Variants in CIRSR observed in about 807,000 individuals in gnomAD.
CIRSR encodes the protein corepressor of RBPJ and splicing regulator.
chr2:174,375,744 TA>T, the CIRSR span, among the ~76,000 whole-genome samples: 1 of 152,262 alleles, frequency 6.6e-6, no homozygotes, highest in Non-Finnish European at 1.5e-5. Context: ...CTTTGGTTAT[TA>T]ATGTTGAAAA....
the CIRSR span, chr2:174,351,536 T>G: frequency 8.8e-7 from 1 of 1,137,596 alleles, no homozygotes; most frequent in Non-Finnish European, 1.3e-6. Flanking sequence ...TATATGCATA[T>G]TGGAAAACAT....
the CIRSR span, among the ~76,000 whole-genome samples, chr2:174,368,642 C>T: frequency 6.6e-6 from 1 of 152,164 alleles, no homozygotes; most frequent in Non-Finnish European, 1.5e-5. Context: ...TATGACTGTG[C>T]CATTGCATTT....
chr2:174,379,693 C>T, the CIRSR span, among the ~76,000 whole-genome samples: 18 of 149,046 alleles, frequency 1.2e-4, no homozygotes, highest in Admixed American at 1.2e-3. Context: ...TTATAGCTCT[C>T]ACTATAAAAG....
the CIRSR span, among the ~76,000 whole-genome samples, chr2:174,354,580 ATT>A: frequency 5.6e-5 from 1 of 17,936 alleles, no homozygotes; most frequent in Non-Finnish European, 1.5e-4. Flanking sequence ...TATATTATAT[ATT>A]ATATATATCA....
At chr2:174,381,832 T>A in the CIRSR span, 1 of 1,234,150 alleles carries the variant, frequency 8.1e-7, no homozygotes, top group Non-Finnish European at 1.1e-6. Flanking sequence ...AAAAAAATTA[T>A]AGAATAATCC....
the CIRSR span, among the ~76,000 whole-genome samples, chr2:174,371,507 C>T: frequency 6.6e-6 from 1 of 152,168 alleles, no homozygotes; most frequent in Admixed American, 6.5e-5. Flanking sequence ...AGCACTGAAG[C>T]TTACAAGTTT....
the CIRSR span, among the ~76,000 whole-genome samples, chr2:174,357,346 G>T: frequency 2.6e-5 from 4 of 152,186 alleles, no homozygotes; most frequent in South Asian, 8.3e-4. Context: ...GGCAAGTTTT[G>T]TAAAGTTTGG....
the CIRSR span, among the ~76,000 whole-genome samples, chr2:174,354,512 CATATAAT>C: frequency 2.6e-5 from 2 of 77,608 alleles, no homozygotes; most frequent in Admixed American, 2.2e-4. Context: ...TTATATATAT[CATATAAT>C]ATATTTTATA....
chr2:174,363,681 C>T, the CIRSR span, among the ~76,000 whole-genome samples: 1 of 152,158 alleles, frequency 6.6e-6, no homozygotes, highest in African/African-American at 2.4e-5. Flanking sequence ...AGGAGCAAGT[C>T]ATGTCTTACA....
chr2:174,393,598 A>C, the CIRSR span, among the ~76,000 whole-genome samples: 1 of 152,024 alleles, frequency 6.6e-6, no homozygotes, highest in Admixed American at 6.6e-5. Context: ...CTGGAATTAT[A>C]GGTATGAGCC....
the CIRSR span, among the ~76,000 whole-genome samples, chr2:174,392,035 T>A: frequency 6.6e-6 from 1 of 152,150 alleles, no homozygotes; most frequent in Non-Finnish European, 1.5e-5. Context: ...TGTCTCACTG[T>A]CACCCAGGCT....
chr2:174,350,810 G>A, the CIRSR span: 3 of 1,177,954 alleles, frequency 2.5e-6, no homozygotes, highest in African/African-American at 1.5e-5. Flanking sequence ...AGATAAAAAA[G>A]AAAACATTTA....
chr2:174,351,766 T>G, the CIRSR span: 1 of 1,537,558 alleles, frequency 6.5e-7, no homozygotes, highest in Admixed American at 1.8e-5. Flanking sequence ...CATTTATATC[T>G]CTCTACCTTT....
At chr2:174,391,731 A>C in the CIRSR span, among the ~76,000 whole-genome samples, 1 of 152,348 alleles carries the variant, frequency 6.6e-6, no homozygotes, top group Non-Finnish European at 1.5e-5. Flanking sequence ...TGCTTAAAAA[A>C]AGACAATTCT....
At chr2:174,353,165 C>T in the CIRSR span, among the ~76,000 whole-genome samples, 1 of 152,166 alleles carries the variant, frequency 6.6e-6, no homozygotes, top group East Asian at 1.9e-4. Context: ...TGGGGAAAAA[C>T]TGTCTATTAT....
the CIRSR span, among the ~76,000 whole-genome samples, chr2:174,349,538 T>A: frequency 0.64 from 92,687 of 145,074 alleles, 30,388 homozygotes; most frequent in East Asian, 0.8. Flanking sequence ...GCACTCCAGC[T>A]TGGGCAAAAG....
chr2:174,384,980 C>T, the CIRSR span, among the ~76,000 whole-genome samples: 9 of 151,802 alleles, frequency 5.9e-5, no homozygotes, highest in Admixed American at 5.3e-4. Context: ...GAGGCCAAGG[C>T]GGGAGGATTG....
chr2:174,369,055 G>A, the CIRSR span, among the ~76,000 whole-genome samples: 3 of 152,206 alleles, frequency 2.0e-5, no homozygotes, highest in Non-Finnish European at 4.4e-5. Context: ...TGACTTCTCT[G>A]CTAGCTATGA....
At chr2:174,349,278 T>A in the CIRSR span, 1 of 746,872 alleles carries the variant, frequency 1.3e-6, no homozygotes, top group Non-Finnish European at 2.0e-6. Flanking sequence ...TTAAAAATAG[T>A]ATCCATGGCA....
Sources: gnomAD v4.1 joint callset for allele counts (sites outside exome capture counted in the v4.1 genomes callset) on GRCh38, gnomAD v4.1.1 for gene constraint, MANE v1.5 for transcripts, NCBI Gene and HGNC (gene_info 2026-07-23, HGNC 2026-07-21) for gene names.